The following SARS1 variants were observed in gnomAD, a reference collection of about 807,000 sequenced individuals.
SARS1 encodes the protein serine--tRNA ligase, cytoplasmic.
SARS1 carries 25 observed loss-of-function variants against 63.7 expected under a neutral mutation model. The observed-to-expected ratio is 0.39, with a 90% CI of 0.29 to 0.55. SARS1 has a LOEUF of 0.55. SARS1 is among the 20% of genes least tolerant of loss of function. The pLI, the probability that SARS1 is intolerant of heterozygous loss-of-function variation, is 0.62. For missense variants in SARS1, 417 were observed against 649.7 expected, an observed-to-expected ratio of 0.64 and a Z score of 3.89; for synonymous variants, 231 against 243.5, an observed-to-expected ratio of 0.95 and a Z score of 0.48.
chr1:109,235,952 C>T lies in SARS1; in HGVS notation c.970-25C>T, dbSNP rs201397825. 43 of 1,586,352 alleles carry T rather than the reference C, an allele frequency of 2.7e-5. No individual in the cohort carries two copies. The Admixed American group carries it at 3.2e-4, about 12-fold the overall frequency. On this transcript the variant is annotated intron_variant, in intron 7 of 10. Coordinates refer to ENST00000234677, the MANE Select transcript of SARS1 (RefSeq NM_006513.4). The surrounding 1 kb of genome is among the most constrained non-coding windows in gnomAD (Gnocchi z 4.7). ...TTTATTCACCCTATACCGCTGTCAC[C>T]GTTTCCTTGGGTCCCTCTCTGCAGA...
intron 1 of SARS1, among the ~76,000 whole-genome samples, chr1:109,218,065 C>T (rs1266279465): frequency 3.3e-5 from 5 of 151,600 alleles, no homozygotes; most frequent in Non-Finnish European, 5.9e-5. Flanking sequence ...TGGTGGGGGG[C>T]GCCTGTAGTC....
rs1448422038 is a variant in SARS1, at chr1:109,231,080, TATA to T, written c.591+60_591+62del. 2,684 of 958,992 alleles carry T rather than the reference TATA, an allele frequency of 2.8e-3. 22 individuals are homozygous for T. The African/African-American group carries it at 0.043, about 15-fold the overall frequency. The allele number at this position is 958,992 out of a possible 1,614,324, so 59.4% of individuals were successfully genotyped here. On this transcript the variant is annotated intron_variant, in intron 5 of 10. Coordinates refer to ENST00000234677, the MANE Select transcript of SARS1 (RefSeq NM_006513.4). ...GAAAAAGAAACAAAATATATATATA[TATA>T]TTTTTTTTTTTTTTTGTAGAGAAAC...
At chr1:109,223,452 C>T (rs1654998070) in intron 1 of SARS1, among the ~76,000 whole-genome samples, 1 of 152,206 alleles carries the variant, frequency 6.6e-6, no homozygotes, top group Non-Finnish European at 1.5e-5. Context: ...TCAGATTGGT[C>T]TTTTCCTTGT....
At position 109,224,544 on chromosome 1, in the gene SARS1, C is replaced by T. The variant is rs191994208; in HGVS notation, c.207+496C>T. Reference sequence around the variant, plus strand: ...TAGAACTTTTTTTTTTTAATTTAAACGCCAAGCAATGGTTATGGATAGAAC... The same window carrying T: ...TAGAACTTTTTTTTTTTAATTTAAATGCCAAGCAATGGTTATGGATAGAAC... On this transcript the variant is annotated intron_variant, in intron 2 of 10. Transcript: ENST00000234677. Among the ~76,000 whole-genome samples, 167 of 151,646 alleles carry T rather than the reference C, an allele frequency of 1.1e-3. 1 individual carries two copies. The highest frequency in any genetic ancestry group is 3.7e-3 in the African/African-American group (155 of 41,338).
intron 2 of SARS1, among the ~76,000 whole-genome samples, chr1:109,227,779 C>T (rs1309812707): frequency 6.6e-6 from 1 of 151,586 alleles, no homozygotes; most frequent in Admixed American, 6.6e-5. Context: ...ATTAGCCAGA[C>T]GTGGTGGTGC....
chr1:109,216,377 T>G (rs1654787277), intron 1 of SARS1: 3 of 985,394 alleles, frequency 3.0e-6, no homozygotes, highest in Non-Finnish European at 3.6e-6. Context: ...CAGTATAACT[T>G]GGAGTGATAA....
At chr1:109,215,168 C>T in intron 1 of SARS1, 1 of 985,396 alleles carries the variant, frequency 1.0e-6, no homozygotes, top group Non-Finnish European at 1.2e-6. Context: ...TGTGCTGATT[C>T]TATGTCTTAG....
At chr1:109,236,257 G>T (rs1655307308) in intron 8 of SARS1, 134 bp from the exon 9 acceptor site, 2 of 1,278,912 alleles carry the variant, frequency 1.6e-6, no homozygotes, top group East Asian at 4.7e-5. Context: ...GGGAGTATTT[G>T]GTGTTAAGAA....
chr1:109,233,866 T>G lies in SARS1; in HGVS notation c.748-1344T>G, dbSNP rs1211884584. Reference sequence around the variant, plus strand: ...CGTCGCCACCACACCTGGCTAATTTTTTTTTTTTTTTTTTTTTTTTTGAGA... The same window carrying G: ...CGTCGCCACCACACCTGGCTAATTTGTTTTTTTTTTTTTTTTTTTTTGAGA... On this transcript the variant is annotated intron_variant, in intron 6 of 10. Coordinates refer to ENST00000234677, the MANE Select transcript of SARS1 (RefSeq NM_006513.4). Among the ~76,000 whole-genome samples, 894 of 132,332 alleles carry G rather than the reference T, an allele frequency of 6.8e-3. 6 individuals carry two copies. The highest frequency in any genetic ancestry group is 0.023 in the African/African-American group (844 of 36,214). The allele number at this position is 132,332 out of a possible 152,430, so 86.8% of individuals were successfully genotyped here.
At position 109,226,679 on chromosome 1, in the gene SARS1, T is replaced by TATATATATATATATATATACAC. The variant is rs1553177745; in HGVS notation, c.208-1671_208-1650dup. ...TGGCTAATTTAAAAAAAAAAAAAAA[T>TATATATATATATATATATACAC]ATATATATATATATATATACACACA... On this transcript the variant is annotated intron_variant, in intron 2 of 10. Transcript: ENST00000234677. Among the ~76,000 whole-genome samples, 52 of 60,756 alleles carry TATATATATATATATATATACAC rather than the reference T, an allele frequency of 8.6e-4. 1 individual carries two copies. The East Asian group carries it at 9.4e-3, about 11-fold the overall frequency. The allele number at this position is 60,756 out of a possible 152,430, so 39.9% of individuals were successfully genotyped here.
intron 6 of SARS1, among the ~76,000 whole-genome samples, chr1:109,233,224 T>G (rs1203401642): frequency 2.0e-5 from 3 of 152,160 alleles, no homozygotes; most frequent in Non-Finnish European, 2.9e-5. Flanking sequence ...TTGCCCAAAC[T>G]GATTTCAAAC....
Position 109,237,702 on chromosome 1 carries a change from A to G in SARS1, c.1388-29A>G, listed in dbSNP as rs748749263. 1 of 1,611,566 alleles carries G rather than the reference A, an allele frequency of 6.2e-7. No individual in the cohort carries two copies. On this transcript the variant is annotated intron_variant, in intron 10 of 10. Transcript: ENST00000234677. This position sits in a 1 kb window ranked among gnomAD's most constrained non-coding sequence, Gnocchi z 4.1. Reference sequence around the variant, plus strand: ...GGGCTTTGACTCACTGAGAAACAACAGGTCATTTGGTTGGCTCTTCCCTCC... The same window carrying G: ...GGGCTTTGACTCACTGAGAAACAACGGGTCATTTGGTTGGCTCTTCCCTCC...
rs1190723944 is a variant in SARS1 at position 109,218,214 on chromosome 1, A to G, written c.136+4086A>G. On this transcript the variant is annotated intron_variant, in intron 1 of 10. Coordinates refer to ENST00000234677, the MANE Select transcript of SARS1 (RefSeq NM_006513.4). ...TCTCCAAAAAAAAAAAAAAAAAAAA[A>G]AAATTAGCCAGGCGTGGTGGCGGGC... is the stretch of plus-strand genomic sequence containing the variant. 5.0e-3 allele frequency among the ~76,000 whole-genome samples: 728 copies of G among 146,274 alleles called. 2 individuals are homozygous for G. The highest frequency in any genetic ancestry group is 8.0e-3 in the Non-Finnish European group (531 of 66,056).
chr1:109,223,364 T>C (rs1654995653), intron 1 of SARS1, among the ~76,000 whole-genome samples: 1 of 152,258 alleles, frequency 6.6e-6, no homozygotes, highest in Admixed American at 6.5e-5. Context: ...GGTTAGTTAC[T>C]TGAGTGTCTT....
intron 4 of SARS1, 66 bp from the exon 5 acceptor site, chr1:109,230,812 A>G: frequency 6.8e-7 from 1 of 1,470,652 alleles, no homozygotes; most frequent in Non-Finnish European, 9.1e-7. Context: ...CTCCAAAAAA[A>G]AAAAATAATT....
chr1:109,228,290 T>C (rs1176185385), intron 2 of SARS1, 62 bp from the exon 3 acceptor site: 9 of 1,255,988 alleles, frequency 7.2e-6, no homozygotes, highest in Admixed American at 5.7e-5. Flanking sequence ...GTGTACACTT[T>C]ATAAAACAAT....
At position 109,237,143 on chromosome 1, in the gene SARS1, G is replaced by A; in HGVS notation, c.1258-101G>A. On this transcript the variant is annotated intron_variant, in intron 9 of 10. Transcript: ENST00000234677. The surrounding 1 kb of genome is among the most constrained non-coding windows in gnomAD (Gnocchi z 4.1). The stretch of plus-strand genomic sequence containing the variant: ...AGAACCCATCATTTTGATTTGGACA[G>A]TTGTGGTTGGGGAAGTCTGGTTGAA... 6.6e-7 allele frequency: 1 copy of A among 1,505,666 alleles called. No individual in the cohort carries two copies. 93.3% of individuals were successfully genotyped at this position (1,505,666 alleles called of 1,614,324 possible).
chr1:109,218,506 T>A (rs1654846265), intron 1 of SARS1, among the ~76,000 whole-genome samples: 1 of 151,386 alleles, frequency 6.6e-6, no homozygotes, highest in African/African-American at 2.4e-5. Context: ...TTTCAAATGC[T>A]CATAGTCACA....
rs1655336306 is a variant in SARS1 at position 109,237,407 on chromosome 1, T to C, written c.1387+34T>C. 1 of 1,614,062 alleles carries C rather than the reference T, an allele frequency of 6.2e-7. No homozygotes were observed. Among genetic ancestry groups the C allele is most frequent in the East Asian group, 2.2e-5 (1 of 44,892 alleles). The stretch of plus-strand genomic sequence containing the variant: ...CCCAGCTCATCTCATCGTTCTCCTC[T>C]TTTCTGTCTTCACACTCTTCTAAAT... On this transcript the variant is annotated intron_variant, in intron 10 of 10. Coordinates refer to ENST00000234677, the MANE Select transcript of SARS1 (RefSeq NM_006513.4). The surrounding 1 kb of genome is among the most constrained non-coding windows in gnomAD (Gnocchi z 4.1).
Sources: allele counts gnomAD v4.1 joint callset (sites outside exome capture counted in the v4.1 genomes callset), GRCh38; gene constraint gnomAD v4.1.1; non-coding constraint Gnocchi (gnomAD v3.1); transcripts MANE v1.5; gene names NCBI Gene and HGNC (gene_info 2026-07-23, HGNC 2026-07-21).